ANXA4: variants seen among roughly 807,000 people sequenced by gnomAD.
The protein encoded by ANXA4 is annexin A4, also known as 35-beta calcimedin.
ANXA4 carries 39 observed loss-of-function variants against 49.8 expected under a neutral mutation model. The ratio of observed to expected loss-of-function variants is 0.78; its 90% CI spans 0.61 to 1.02. The LOEUF (loss-of-function observed/expected upper bound fraction) is 1.02, where lower values mean the gene tolerates loss of function less well. ANXA4 is among the 50% of genes least tolerant of loss of function. The pLI is 0.00. For synonymous variants in ANXA4, 134 were observed against 152.5 expected (o/e 0.88, Z 0.89); for missense variants, 360 against 410.1 (o/e 0.88, Z 1.05).
chr2:69,655,197 AGTTTC>A (rs1676390518), intron 2 of ANXA4, among the ~76,000 whole-genome samples: 1 of 152,214 alleles, frequency 6.6e-6, no homozygotes, highest in Non-Finnish European at 1.5e-5. Flanking sequence ...TAAACTAAAG[AGTTTC>A]TGCACAGCAA....
chr2:69,733,480 T>A (rs1170096076), intron 3 of ANXA4, among the ~76,000 whole-genome samples: 1 of 151,988 alleles, frequency 6.6e-6, no homozygotes, highest in Non-Finnish European at 1.5e-5. Flanking sequence ...GGCATGCCTG[T>A]GGTCCCAGCT....
intron 2 of ANXA4, among the ~76,000 whole-genome samples, chr2:69,717,458 T>G (rs1349915655): frequency 6.6e-6 from 1 of 152,196 alleles, no homozygotes; most frequent in East Asian, 1.9e-4. Context: ...TCATTATTCC[T>G]GCATCATAAA....
rs190118382 is a variant in ANXA4 at position 69,759,067 on chromosome 2, C to T, written c.-47+16892C>T. Among the ~76,000 whole-genome samples the T allele has an allele frequency of 3.0e-3, 443 of 146,356 alleles. 5 individuals carry two copies. The highest frequency in any genetic ancestry group is 7.8e-3 in the Admixed American group (111 of 14,248). On this transcript the variant is annotated intron_variant, in intron 1 of 12. Coordinates refer to ENST00000394295, the MANE Select transcript of ANXA4 (RefSeq NM_001153.5). ...AAGAGAATCCCTTGAACACGGGAGGCGGAGGTTTCAGTGAGCCAAGATAGC... is the reference window on the plus strand; with the variant it reads ...AAGAGAATCCCTTGAACACGGGAGGTGGAGGTTTCAGTGAGCCAAGATAGC...
chr2:69,729,107 G>A (rs549561986), intron 3 of ANXA4, among the ~76,000 whole-genome samples: 6 of 152,270 alleles, frequency 3.9e-5, no homozygotes, highest in East Asian at 1.9e-4. Flanking sequence ...TCCACCACCC[G>A]GGTTCAAGCA....
chr2:69,711,376 A>G (rs1678674082), intron 2 of ANXA4, among the ~76,000 whole-genome samples: 1 of 152,222 alleles, frequency 6.6e-6, no homozygotes, highest in African/African-American at 2.4e-5. Context: ...AAAATGAATA[A>G]GCTACCGATA....
At chr2:69,662,612 G>T (rs1228111286) in intron 2 of ANXA4, among the ~76,000 whole-genome samples, 1 of 152,172 alleles carries the variant, frequency 6.6e-6, no homozygotes, top group Admixed American at 6.5e-5. Context: ...TGGCAGCCAG[G>T]TTCAAACTCA....
intron 3 of ANXA4, among the ~76,000 whole-genome samples, chr2:69,801,885 C>T (rs1673212475): frequency 6.6e-6 from 1 of 152,148 alleles, no homozygotes; most frequent in Non-Finnish European, 1.5e-5. Context: ...CCCACAGGCA[C>T]TGGCTGGGAA....
intron 1 of ANXA4, among the ~76,000 whole-genome samples, chr2:69,744,886 T>G (rs144447789): frequency 2.0e-4 from 31 of 152,330 alleles, no homozygotes; most frequent in Non-Finnish European, 5.9e-5. Context: ...ACAAGTGTTT[T>G]CCTTTTTCTT....
intron 3 of ANXA4, among the ~76,000 whole-genome samples, chr2:69,790,736 A>G (rs544580724): frequency 6.6e-6 from 1 of 152,296 alleles, no homozygotes; most frequent in South Asian, 2.1e-4. Context: ...AGATTTTTCT[A>G]TTACCGATGC....
At chr2:69,749,489 A>G (rs936215236) in intron 1 of ANXA4, among the ~76,000 whole-genome samples, 2 of 152,186 alleles carry the variant, frequency 1.3e-5, no homozygotes, top group East Asian at 1.9e-4. Flanking sequence ...ATCAGTAAAG[A>G]TCTGGTTAAA....
chr2:69,704,562 G>C (rs1416745488), intron 2 of ANXA4, among the ~76,000 whole-genome samples: 1 of 152,186 alleles, frequency 6.6e-6, no homozygotes, highest in African/African-American at 2.4e-5. Context: ...GTGTCAGCTG[G>C]AGCAACAGGG....
intron 3 of ANXA4, among the ~76,000 whole-genome samples, chr2:69,729,676 G>T (rs537083280): frequency 6.6e-6 from 1 of 152,268 alleles, no homozygotes; most frequent in African/African-American, 2.4e-5. Context: ...CTTCCAGAAA[G>T]ATATCACTTC....
intron 2 of ANXA4, among the ~76,000 whole-genome samples, chr2:69,667,837 G>T (rs1676996122): frequency 6.6e-6 from 1 of 152,194 alleles, no homozygotes; most frequent in Non-Finnish European, 1.5e-5. Flanking sequence ...ATCTTGGCTG[G>T]GCTCTCTTGT....
At chr2:69,740,680 C>CTTTTTTTTTT (rs3077548), upstream of ANXA4, among the ~76,000 whole-genome samples, 15 of 75,762 alleles carry the variant, frequency 2.0e-4, 1 homozygote, top group East Asian at 1.6e-3. Flanking sequence ...CTTTCTTCCT[C>CTTTTTTTTTT]TTTTTTTTTT....
At chr2:69,736,677 A>G (rs370856644) in intron 3 of ANXA4, among the ~76,000 whole-genome samples, 1 of 152,232 alleles carries the variant, frequency 6.6e-6, no homozygotes, top group Non-Finnish European at 1.5e-5. Context: ...GAAAAGGTAC[A>G]TGGGAGATAA....
At chr2:69,718,479 C>T (rs1669712328) in intron 2 of ANXA4, among the ~76,000 whole-genome samples, 1 of 152,230 alleles carries the variant, frequency 6.6e-6, no homozygotes, top group Non-Finnish European at 1.5e-5. Flanking sequence ...TTGGGAAATG[C>T]TTAGCCAGAA....
At chr2:69,693,474 A>C (rs1241714004) in intron 2 of ANXA4, among the ~76,000 whole-genome samples, 2 of 152,102 alleles carry the variant, frequency 1.3e-5, no homozygotes, top group Admixed American at 6.5e-5. Flanking sequence ...TTGGGGCTCA[A>C]GCAGATGGGC....
At chr2:69,736,030 T>C (rs1354685662) in intron 3 of ANXA4, among the ~76,000 whole-genome samples, 1 of 152,208 alleles carries the variant, frequency 6.6e-6, no homozygotes, top group Non-Finnish European at 1.5e-5. Context: ...GCTGCTGTAC[T>C]TATATACTCC....
chr2:69,691,102 T>C (rs1677949277), intron 2 of ANXA4, among the ~76,000 whole-genome samples: 1 of 152,076 alleles, frequency 6.6e-6, no homozygotes, highest in South Asian at 2.1e-4. Flanking sequence ...CACTTGTACC[T>C]TTCTCTTTCT....
Sources: gnomAD v4.1 joint callset for allele counts (sites outside exome capture counted in the v4.1 genomes callset) on GRCh38, gnomAD v4.1.1 for gene constraint, MANE v1.5 for transcripts, NCBI Gene and HGNC (gene_info 2026-07-23, HGNC 2026-07-21) for gene names.